The following RAB9A variants were observed in gnomAD, a reference collection of about 807,000 sequenced individuals.
RAB9A encodes the protein ras-related protein Rab-9A.
A neutral mutation model predicts 10.3 loss-of-function variants in RAB9A; 1 was observed. That is an observed-to-expected ratio of 0.10 (90% CI 0.03 to 0.46). RAB9A has a LOEUF of 0.46. Ranked by LOEUF, RAB9A falls within the 20% of genes least tolerant of loss-of-function variation. The pLI is 0.96. For synonymous variants in RAB9A, 39 were observed against 55.2 expected (o/e 0.71, Z 1.30); for missense variants, 92 against 150.3 (o/e 0.61, Z 2.03).
intron 1 of RAB9A, among the ~76,000 whole-genome samples, chrX:13,700,703 G>A (rs1190927545): frequency 1.8e-5 from 2 of 111,655 alleles, no homozygotes; most frequent in African/African-American, 6.5e-5. Flanking sequence ...CTCTAGTAGT[G>A]TAAATCTAAT....
intron 1 of RAB9A, among the ~76,000 whole-genome samples, chrX:13,697,012 C>T (rs907957020): frequency 1.3e-4 from 14 of 111,290 alleles, no homozygotes; most frequent in African/African-American, 4.2e-4. Flanking sequence ...TCCTATATAC[C>T]GGACATAGCT....
In RAB9A at chrX:13,709,361, T is replaced by C. The variant is rs781553073; in HGVS notation, c.*9T>C. 3 of 1,191,506 alleles carry C rather than the reference T, an allele frequency of 2.5e-6. No individual in the cohort carries two copies. In the Admixed American group the frequency reaches 6.9e-5, roughly 27 times the overall value. On this transcript the variant is annotated 3_prime_UTR_variant, in exon 3 of 3. Coordinates refer to ENST00000464506, the MANE Select transcript of RAB9A (RefSeq NM_004251.5). ...GCTCATCTTGCTGTTGATTGTTAGA[T>C]TGTTGATGCATTCTAACCAACTCAC...
intron 1 of RAB9A, among the ~76,000 whole-genome samples, chrX:13,689,699 C>T (rs1223982912): frequency 9.0e-6 from 1 of 111,653 alleles, no homozygotes; most frequent in Non-Finnish European, 1.9e-5. Context: ...GTAGGGAAAA[C>T]AAAGGCGCTC....
intron 1 of RAB9A, among the ~76,000 whole-genome samples, chrX:13,699,606 G>A (rs748105664): frequency 1.8e-5 from 2 of 112,414 alleles, no homozygotes; most frequent in Non-Finnish European, 3.8e-5. Flanking sequence ...AGATTAGGTT[G>A]CTGGGGCGGT....
chrX:13,702,784 C>T (rs1288123780), intron 1 of RAB9A, among the ~76,000 whole-genome samples: 1 of 112,109 alleles, frequency 8.9e-6, no homozygotes, highest in Non-Finnish European at 1.9e-5. Flanking sequence ...CCATATACCT[C>T]TCATTTTGTG....
intron 1 of RAB9A, among the ~76,000 whole-genome samples, chrX:13,697,439 C>G (rs1463229859): frequency 8.9e-6 from 1 of 111,803 alleles, no homozygotes; most frequent in Non-Finnish European, 1.9e-5. Flanking sequence ...AAAGTGCACT[C>G]TATTGTCAAA....
chrX:13,700,454 A>G (rs148736097), intron 1 of RAB9A, among the ~76,000 whole-genome samples: 2,413 of 112,145 alleles, frequency 0.022, 38 homozygotes, highest in Non-Finnish European at 0.033. Context: ...TAAGAAGGAA[A>G]GGGTTAACAT....
intron 1 of RAB9A, among the ~76,000 whole-genome samples, chrX:13,697,919 C>G (rs947922995): frequency 1.1e-4 from 12 of 111,928 alleles, no homozygotes; most frequent in African/African-American, 3.9e-4. Context: ...ATTAACCACA[C>G]TCTAGGCCTG....
chrX:13,698,332 G>A (rs1039306724), intron 1 of RAB9A, among the ~76,000 whole-genome samples: 1 of 108,248 alleles, frequency 9.2e-6, no homozygotes, highest in African/African-American at 3.4e-5. Flanking sequence ...AGTTAAGTTA[G>A]CTGATTCAGC....
At chrX:13,702,802 G>T (rs369137024) in intron 1 of RAB9A, among the ~76,000 whole-genome samples, 13 of 112,305 alleles carry the variant, frequency 1.2e-4, no homozygotes, top group Middle Eastern at 4.6e-3. Flanking sequence ...GTGAGGTACA[G>T]TTGTGACTTA....
chrX:13,695,572 G>A (rs2046143899), intron 1 of RAB9A, among the ~76,000 whole-genome samples: 1 of 112,499 alleles, frequency 8.9e-6, no homozygotes, highest in Non-Finnish European at 1.9e-5. Context: ...AATAGGTAGT[G>A]CGAAAAGTGG....
intron 1 of RAB9A, among the ~76,000 whole-genome samples, chrX:13,701,926 C>G (rs1258391675): frequency 9.0e-6 from 1 of 111,307 alleles, no homozygotes; most frequent in Non-Finnish European, 1.9e-5. Flanking sequence ...CCAGCTTGTC[C>G]AAGGCCTTCC....
intron 1 of RAB9A, among the ~76,000 whole-genome samples, chrX:13,696,630 C>T (rs999352584): frequency 6.3e-5 from 7 of 111,625 alleles, no homozygotes; most frequent in African/African-American, 2.3e-4. Flanking sequence ...TTGTATGTGC[C>T]GTAGGGCATT....
In RAB9A at chrX:13,689,142, G is replaced by T. The variant is rs1348071926; in HGVS notation, c.-262G>T. 8.9e-6 allele frequency: 1 copy of T among 112,732 alleles called. No homozygotes were observed. The highest frequency in any genetic ancestry group is 1.9e-5 in the Non-Finnish European group (1 of 53,197). The allele number at this position is 112,732 out of a possible 1,213,427, so 9.3% of individuals were successfully genotyped here. A position where few individuals can be genotyped will look rare whatever the true frequency, so the allele number is the denominator to read the frequency against. On this transcript the variant is annotated 5_prime_UTR_variant, in exon 1 of 3. Transcript: ENST00000464506. ...GGCCCGTCGCCATGTTGTTCCCTCCGCGCTGGACGGGAGCAGCTGGAGCGG... is the reference window on the plus strand; with the variant it reads ...GGCCCGTCGCCATGTTGTTCCCTCCTCGCTGGACGGGAGCAGCTGGAGCGG...
chrX:13,700,285 C>T (rs979444876), intron 1 of RAB9A, among the ~76,000 whole-genome samples: 5 of 111,763 alleles, frequency 4.5e-5, no homozygotes, highest in Admixed American at 9.5e-5. Flanking sequence ...GACCTTGAGG[C>T]TTTCTATTCT....
At chrX:13,698,723 G>A (rs2046159487) in intron 1 of RAB9A, among the ~76,000 whole-genome samples, 1 of 111,903 alleles carries the variant, frequency 8.9e-6, no homozygotes, top group Non-Finnish European at 1.9e-5. Context: ...AGACAATCAG[G>A]AAGTTTTTAG....
At chrX:13,690,732 A>C (rs749193390) in intron 1 of RAB9A, among the ~76,000 whole-genome samples, 25 of 111,236 alleles carry the variant, frequency 2.2e-4, no homozygotes, top group Middle Eastern at 4.2e-3. Context: ...TTTATTGAGC[A>C]CTCACTCTGC....
chrX:13,708,571 C>A, intron 2 of RAB9A, 150 bp from the exon 3 acceptor site: 1 of 455,909 alleles, frequency 2.2e-6, no homozygotes, highest in Non-Finnish European at 3.6e-6. Flanking sequence ...GTAGCCTGCA[C>A]ATGGCTAAGT....
Position 13,709,222 on chromosome X carries a change from C to G in RAB9A, c.476C>G (p.Thr159Arg). The G allele has an allele frequency of 6.6e-6, 8 of 1,211,621 alleles. No individual in the cohort carries two copies. Among genetic ancestry groups the G allele is most frequent in the Non-Finnish European group, 8.9e-6 (8 of 895,519 alleles). ...PYFETSAKDA[T>R]NVAAAFEEAV... ...TTTGAAACAAGTGCAAAAGATGCCA[C>G]AAATGTGGCAGCAGCCTTTGAGGAA... Residue 159 changes from threonine to arginine, a missense_variant, in exon 3 of 3, where the codon ACA becomes AGA. By Grantham distance (71) the Thr-to-Arg change is moderately conservative (BLOSUM62 -1). Coordinates refer to ENST00000464506, the MANE Select transcript of RAB9A (RefSeq NM_004251.5).
Sources: allele counts gnomAD v4.1 joint callset (sites outside exome capture counted in the v4.1 genomes callset), GRCh38; gene constraint gnomAD v4.1.1; transcripts MANE v1.5; gene names NCBI Gene and HGNC (gene_info 2026-07-23, HGNC 2026-07-21).